ASAP1: variants seen among roughly 807,000 people sequenced by gnomAD.
The protein encoded by ASAP1 is ArfGAP with SH3 domain, ankyrin repeat and PH domain 1.
Under a neutral mutation model 145.2 loss-of-function variants are expected in ASAP1, and 43 were observed. The observed-to-expected ratio is 0.30, with a 90% CI of 0.23 to 0.38. The LOEUF (loss-of-function observed/expected upper bound fraction) is 0.38, where lower values mean the gene tolerates loss of function less well. Among genes scored for constraint, ASAP1 ranks in the 10% least tolerant of loss-of-function variants. The pLI is 1.00. For missense variants in ASAP1, 1,018 were observed against 1,355.3 expected, an observed-to-expected ratio of 0.75 and a Z score of 3.91; for synonymous variants, 546 against 515.5, an observed-to-expected ratio of 1.06 and a Z score of -0.80.
intron 11 of ASAP1, 82 bp from the exon 12 acceptor site, chr8:130,160,046 G>GTCTAAGC: frequency 8.4e-7 from 1 of 1,197,210 alleles, no homozygotes; most frequent in Middle Eastern, 1.9e-4. Flanking sequence ...TGAGCCTTTG[G>GTCTAAGC]CACTGGTCTG....
intron 11 of ASAP1, among the ~76,000 whole-genome samples, chr8:130,162,813 G>A (rs4733772): frequency 0.19 from 25,869 of 138,820 alleles, 2,904 homozygotes; most frequent in East Asian, 0.45. Context: ...GGGAGACTCC[G>A]TCTCAAAAAA....
intron 20 of ASAP1, 112 bp from the exon 21 acceptor site, chr8:130,117,107 T>G: frequency 1.6e-6 from 1 of 637,544 alleles, no homozygotes; most frequent in South Asian, 2.2e-5. Context: ...ACCTAATTAT[T>G]ATAATAGAGA....
intron 26 of ASAP1, 132 bp from the exon 27 acceptor site, chr8:130,076,538 T>C (rs2097462777): frequency 4.4e-6 from 3 of 688,470 alleles, no homozygotes; most frequent in South Asian, 1.9e-5. Context: ...TCCTTTTTTT[T>C]TGAGATGGAG....
rs370787865 is a variant in ASAP1, at chr8:130,168,878, A to G, written c.822+114T>C. 6.5e-5 allele frequency: 42 copies of G among 643,892 alleles called. No homozygotes were observed. The African/African-American group carries it at 7.0e-4, about 11-fold the overall frequency. The allele number at this position is 643,892 out of a possible 1,614,324, so 39.9% of individuals were successfully genotyped here. A position where few individuals can be genotyped will look rare whatever the true frequency, so the allele number is the denominator to read the frequency against. On this transcript the variant is annotated intron_variant, in intron 10 of 29. Transcript: ENST00000518721. ...AGGGTTATCTGTCCTAGGTTTGTACAGACATATCATTTAATCTTTTCTGCT... is the reference window on the plus strand; with the variant it reads ...AGGGTTATCTGTCCTAGGTTTGTACGGACATATCATTTAATCTTTTCTGCT...
chr8:130,375,734 A>T (rs926179601), intron 2 of ASAP1, among the ~76,000 whole-genome samples: 3 of 152,136 alleles, frequency 2.0e-5, no homozygotes, highest in African/African-American at 7.2e-5. Flanking sequence ...ATCTCCTTTA[A>T]TTCTTACACT....
At chr8:130,076,264 A>G in intron 27 of ASAP1, 84 bp downstream of exon 27, 1 of 950,338 alleles carries the variant, frequency 1.1e-6, no homozygotes, top group Admixed American at 2.3e-5. Context: ...TGGATCAATG[A>G]ACAAGGGAGA....
In ASAP1 at chr8:130,102,606, C is replaced by A. The variant is rs367812159; in HGVS notation, c.2401+9488G>T. On this transcript the variant is annotated intron_variant, in intron 24 of 29. Coordinates refer to ENST00000518721, the MANE Select transcript of ASAP1 (RefSeq NM_018482.4). ...GTTTTGGTATTAGGGCAATGCTGGC[C>A]TCATTGGAAGAGTTAGGAAAAATTC... Among the ~76,000 whole-genome samples the A allele has an allele frequency of 2.0e-4, 30 of 152,230 alleles. No homozygotes were observed. The East Asian group carries it at 5.6e-3, about 28-fold the overall frequency.
chr8:130,082,889 A>G (rs896395294), intron 25 of ASAP1: 4 of 152,088 alleles, frequency 2.6e-5, no homozygotes, highest in African/African-American at 9.7e-5. Context: ...ACTGTGCTCA[A>G]TGATGAGTCT....
chr8:130,139,764 A>G (rs1216569443), intron 13 of ASAP1, among the ~76,000 whole-genome samples: 2 of 151,860 alleles, frequency 1.3e-5, no homozygotes, highest in African/African-American at 4.8e-5. Flanking sequence ...AAAAACAAAA[A>G]AAAAAAGAAA....
intron 3 of ASAP1, 22 bp downstream of exon 3, chr8:130,357,995 C>A: frequency 6.3e-7 from 1 of 1,592,986 alleles, no homozygotes. Flanking sequence ...GCGTGGACGG[C>A]GGGGGTCCCG....
intron 3 of ASAP1, among the ~76,000 whole-genome samples, chr8:130,277,566 C>A (rs1387053671): frequency 1.3e-5 from 2 of 152,030 alleles, no homozygotes; most frequent in African/African-American, 2.4e-5. Context: ...CAAAGTGACA[C>A]AGAGTTCTCA....
chr8:130,280,739 C>A (rs1821199108), intron 3 of ASAP1, among the ~76,000 whole-genome samples: 1 of 152,106 alleles, frequency 6.6e-6, no homozygotes, highest in African/African-American at 2.4e-5. Flanking sequence ...GTTATTGGGG[C>A]TGGGAAGAGT....
intron 25 of ASAP1, among the ~76,000 whole-genome samples, chr8:130,087,720 T>C (rs999485350): frequency 6.6e-6 from 1 of 152,116 alleles, no homozygotes; most frequent in Non-Finnish European, 1.5e-5. Flanking sequence ...TTGCCTACTT[T>C]ACAAGTTTGA....
chr8:130,430,898 T>G (rs1414384954), intron 1 of ASAP1, among the ~76,000 whole-genome samples: 2 of 152,110 alleles, frequency 1.3e-5, no homozygotes, highest in Non-Finnish European at 2.9e-5. Flanking sequence ...CTGTTCCACT[T>G]AAGGAGCAGC....
At chr8:130,276,726 ACACT>A (rs1263540666) in intron 3 of ASAP1, among the ~76,000 whole-genome samples, 1,900 of 91,446 alleles carry the variant, frequency 0.021, 7 homozygotes, top group Middle Eastern at 0.041. Context: ...ACACACACAC[ACACT>A]CTCTCTCTCT....
At chr8:130,406,533 G>A (rs1229062461) in intron 1 of ASAP1, among the ~76,000 whole-genome samples, 1 of 151,162 alleles carries the variant, frequency 6.6e-6, no homozygotes, top group Non-Finnish European at 1.5e-5. Context: ...GAGTGCTGGA[G>A]TGCAGTGGCG....
intron 29 of ASAP1, among the ~76,000 whole-genome samples, chr8:130,056,616 G>A (rs2097404800): frequency 6.6e-6 from 1 of 152,186 alleles, no homozygotes; most frequent in South Asian, 2.1e-4. Flanking sequence ...AGAATCTGAG[G>A]TCACTGTCTA....
intron 3 of ASAP1, among the ~76,000 whole-genome samples, chr8:130,291,321 A>G (rs147783396): frequency 3.3e-5 from 5 of 152,346 alleles, no homozygotes; most frequent in Admixed American, 3.3e-4. Flanking sequence ...TATTAATTCC[A>G]GGAAAAATAA....
intron 12 of ASAP1, among the ~76,000 whole-genome samples, chr8:130,156,884 C>T (rs770088876): frequency 6.6e-6 from 1 of 152,182 alleles, no homozygotes; most frequent in Admixed American, 6.5e-5. Flanking sequence ...GACTGTTGAT[C>T]TTCCTTGGAT....
Sources: allele counts gnomAD v4.1 joint callset (sites outside exome capture counted in the v4.1 genomes callset), GRCh38; gene constraint gnomAD v4.1.1; transcripts MANE v1.5; gene names NCBI Gene and HGNC (gene_info 2026-07-23, HGNC 2026-07-21).